Variants in IFT46 observed in about 807,000 individuals in gnomAD.
The protein encoded by IFT46 is intraflagellar transport 46, also known as intraflagellar transport protein 46 homolog.
Under a neutral mutation model 39.6 loss-of-function variants are expected in IFT46, and 19 were observed. That is an observed-to-expected ratio of 0.48 (90% CI 0.33 to 0.70). IFT46 has a LOEUF of 0.70. Among genes scored for constraint, IFT46 ranks in the 30% least tolerant of loss-of-function variants. The pLI is 0.01. For missense variants in IFT46, 334 were observed against 364.8 expected (o/e 0.92, Z 0.69); for synonymous variants, 117 against 134.8 (o/e 0.87, Z 0.91).
chr11:118,546,193 C>A (rs1555067107), intron 9 of IFT46: 1 of 717,982 alleles, frequency 1.4e-6, no homozygotes, highest in South Asian at 1.5e-5. Context: ...CAAGAAGAGA[C>A]CCCTCAGAAG....
intron 3 of IFT46, chr11:118,557,615 T>C: frequency 1.7e-6 from 2 of 1,184,674 alleles, no homozygotes; most frequent in South Asian, 1.4e-5. Context: ...TTCAGTGATA[T>C]TTCTCTTCAT....
upstream of IFT46, among the ~76,000 whole-genome samples, chr11:118,570,914 T>A (rs1416699287): frequency 1.3e-5 from 2 of 149,922 alleles, no homozygotes; most frequent in Non-Finnish European, 3.0e-5. Flanking sequence ...TCCAGAACTA[T>A]TTTTTTTTTA....
chr11:118,551,352 G>A (rs1228150161), intron 9 of IFT46, among the ~76,000 whole-genome samples: 1 of 148,382 alleles, frequency 6.7e-6, no homozygotes, highest in Non-Finnish European at 1.5e-5. Flanking sequence ...CAGCCTGGGC[G>A]ACAGAGAGAG....
chr11:118,555,552 TA>T (rs1290677414), intron 4 of IFT46: 26 of 433,834 alleles, frequency 6.0e-5, no homozygotes, highest in African/African-American at 4.6e-4. Flanking sequence ...CAAAACATAA[TA>T]TTTTTTTGAT....
upstream of IFT46, among the ~76,000 whole-genome samples, chr11:118,567,124 C>T (rs1463979523): frequency 1.3e-5 from 2 of 151,894 alleles, no homozygotes; most frequent in Non-Finnish European, 2.9e-5. Flanking sequence ...TGTGGTGGCA[C>T]GCACCTATAG....
upstream of IFT46, among the ~76,000 whole-genome samples, chr11:118,568,476 C>T (rs1938273881): frequency 6.6e-6 from 1 of 151,914 alleles, no homozygotes; most frequent in Non-Finnish European, 1.5e-5. Context: ...CGCTTGAACC[C>T]GGGAGGCGGA....
chr11:118,566,534 A>C (rs971717961), upstream of IFT46, among the ~76,000 whole-genome samples: 1 of 152,028 alleles, frequency 6.6e-6, no homozygotes, highest in Non-Finnish European at 1.5e-5. Flanking sequence ...CTACTAAAAA[A>C]TTCAAAAAAT....
intron 9 of IFT46, chr11:118,546,240 G>GT: frequency 1.4e-6 from 1 of 708,988 alleles, no homozygotes; most frequent in East Asian, 2.7e-5. Context: ...CTTCACGCCT[G>GT]TAATACCAGC....
chr11:118,568,964 C>G (rs1008127618), upstream of IFT46, among the ~76,000 whole-genome samples: 1 of 151,670 alleles, frequency 6.6e-6, no homozygotes, highest in African/African-American at 2.4e-5. Context: ...CCAGTGGGTA[C>G]AAGTATTATG....
At chr11:118,575,789 C>T (rs2135530836), upstream of IFT46, among the ~76,000 whole-genome samples, 1 of 152,236 alleles carries the variant, frequency 6.6e-6, no homozygotes, top group African/African-American at 2.4e-5. Context: ...GAGAGTTGTG[C>T]ATATTTATCC....
chr11:118,554,299 A>G (rs1555068987), intron 7 of IFT46, among the ~76,000 whole-genome samples, 160 bp downstream of exon 7: 1 of 151,318 alleles, frequency 6.6e-6, no homozygotes, highest in Non-Finnish European at 1.5e-5. Flanking sequence ...CTCATGATCC[A>G]CCCGCCTCGG....
At chr11:118,547,744 CTTTTTTTTTTTT>C (rs1233612951) in intron 9 of IFT46, among the ~76,000 whole-genome samples, 1 of 91,194 alleles carries the variant, frequency 1.1e-5, no homozygotes, top group Admixed American at 1.0e-4. Context: ...CTTTTCTTTT[CTTTTTTTTTTTT>C]TTTTTTTTGA....
chr11:118,553,293 C>T (rs11216892), intron 7 of IFT46, among the ~76,000 whole-genome samples: 24,749 of 151,562 alleles, frequency 0.16, 2,563 homozygotes, highest in East Asian at 0.5. Flanking sequence ...AATACAAAAT[C>T]AGCTGGGCGT....
intron 2 of IFT46, among the ~76,000 whole-genome samples, chr11:118,564,051 A>C (rs1938148234): frequency 6.6e-6 from 1 of 151,604 alleles, no homozygotes. Context: ...AAAATACTAA[A>C]ATTAGCTGGG....
At chr11:118,574,416 A>C (rs1938434268), upstream of IFT46, among the ~76,000 whole-genome samples, 2 of 152,164 alleles carry the variant, frequency 1.3e-5, no homozygotes, top group Admixed American at 1.3e-4. Flanking sequence ...TTTCATTATG[A>C]AATTTTCCAA....
intron 1 of IFT46, among the ~76,000 whole-genome samples, chr11:118,571,998 A>C (rs1565355118): frequency 6.6e-6 from 1 of 151,822 alleles, no homozygotes; most frequent in Non-Finnish European, 1.5e-5. Flanking sequence ...GCTGAGGCAG[A>C]AGAATCGCTT....
At chr11:118,555,108 T>G (rs1555069210) in intron 5 of IFT46, 25 bp from the exon 6 acceptor site, 2 of 1,583,714 alleles carry the variant, frequency 1.3e-6, no homozygotes, top group South Asian at 2.2e-5. Context: ...CAAGGGAAGG[T>G]GGAGACAGTC....
At chr11:118,559,616 A>C (rs1246736318) in intron 3 of IFT46, among the ~76,000 whole-genome samples, 169 bp downstream of exon 3, 2 of 152,198 alleles carry the variant, frequency 1.3e-5, no homozygotes, top group Non-Finnish European at 2.9e-5. Flanking sequence ...TTCCTGAAGA[A>C]GGGTCAAAAT....
At chr11:118,562,889 C>A (rs1555070798) in intron 2 of IFT46, among the ~76,000 whole-genome samples, 1 of 152,116 alleles carries the variant, frequency 6.6e-6, no homozygotes, top group African/African-American at 2.4e-5. Context: ...CATGGTGAAA[C>A]CCCGTCTCTA....
Sources: gnomAD v4.1 joint callset for allele counts (sites outside exome capture counted in the v4.1 genomes callset) on GRCh38, gnomAD v4.1.1 for gene constraint, MANE v1.5 for transcripts, NCBI Gene and HGNC (gene_info 2026-07-23, HGNC 2026-07-21) for gene names.